CAD: variants seen among roughly 807,000 people sequenced by gnomAD.
CAD encodes multifunctional protein CAD.
A neutral mutation model predicts 237.2 loss-of-function variants in CAD; 81 were observed. The ratio of observed to expected loss-of-function variants is 0.34; its 90% CI spans 0.29 to 0.41. The LOEUF (loss-of-function observed/expected upper bound fraction) is 0.41, where lower values mean the gene tolerates loss of function less well. Ranked by LOEUF, CAD falls within the 10% of genes least tolerant of loss-of-function variation. CAD has a pLI of 1.00. For missense variants in CAD, 2,181 were observed against 2,951.7 expected (o/e 0.74, Z 6.05); for synonymous variants, 1,196 against 1,162.8 (o/e 1.03, Z -0.58).
At position 27,243,930 on chromosome 2, in the gene CAD, C is replaced by A. The variant is rs1676454368; in HGVS notation, c.*412C>A. On this transcript the variant is annotated 3_prime_UTR_variant, in exon 44 of 44. Coordinates refer to ENST00000264705, the MANE Select transcript of CAD (RefSeq NM_004341.5). ...ACACTCGTGACTCTTTGGGACTCGGCAGGAGCGTGTTAACTCTGTGCTCTC... is the reference window on the plus strand; with the variant it reads ...ACACTCGTGACTCTTTGGGACTCGGAAGGAGCGTGTTAACTCTGTGCTCTC... The A allele has an allele frequency of 1.6e-5, 3 of 187,926 alleles. No individual in the cohort carries two copies. In the South Asian group the frequency reaches 3.5e-4, roughly 22 times the overall value. The allele number at this position is 187,926 out of a possible 1,614,324, so 11.6% of individuals were successfully genotyped here. A position where few individuals can be genotyped will look rare whatever the true frequency, so the allele number is the denominator to read the frequency against.
intron 15 of CAD, among the ~76,000 whole-genome samples, chr2:27,227,789 AC>A (rs1675508509): frequency 6.6e-6 from 1 of 152,194 alleles, no homozygotes; most frequent in African/African-American, 2.4e-5. Flanking sequence ...ACTTTTTGTA[AC>A]TTTTATTATA....
Position 27,235,924 on chromosome 2 carries a change from A to G in CAD, c.4074+284A>G, listed in dbSNP as rs1675982353. ...CTCCTATTCCCCTGCTTTTATTATT[A>G]CCATTATACTAGTAAGCTATATTCC... is the stretch of plus-strand genomic sequence containing the variant. On this transcript the variant is annotated intron_variant, in intron 25 of 43. Coordinates refer to ENST00000264705, the MANE Select transcript of CAD (RefSeq NM_004341.5). The surrounding 1 kb of genome is among the most constrained non-coding windows in gnomAD (Gnocchi z 5.2). The G allele has an allele frequency of 2.1e-6, 1 of 484,096 alleles. No individual in the cohort carries two copies. The highest frequency in any genetic ancestry group is 3.7e-6 in the Non-Finnish European group (1 of 272,056). The allele number at this position is 484,096 out of a possible 1,614,324, so 30.0% of individuals were successfully genotyped here. A position where few individuals can be genotyped will look rare whatever the true frequency, so the allele number is the denominator to read the frequency against.
chr2:27,234,273 T>G (rs1675899923), intron 22 of CAD, 47 bp downstream of exon 22: 1 of 1,545,146 alleles, frequency 6.5e-7, no homozygotes, highest in Non-Finnish European at 8.9e-7. Context: ...CTCTTGCATG[T>G]TCTGTGCTGG....
Position 27,234,547 on chromosome 2 carries a change from C to T in CAD, c.3648C>T (p.Asn1216=), listed in dbSNP as rs184686900. 57 of 1,614,018 alleles carry T rather than the reference C, an allele frequency of 3.5e-5. No homozygotes were observed. The highest frequency in any genetic ancestry group is 8.3e-5 in the Admixed American group (5 of 60,014). ...KDDQLKVIEC[N]VRVSRSFPFV... is the part of the protein sequence containing the mutation. The stretch of plus-strand genomic sequence containing the variant: ...ACCAGCTGAAAGTTATTGAATGCAA[C>T]GTACGTGTCTCTCGCTCCTTCCCCT... Residue 1216 remains asparagine (N), a synonymous_variant, in exon 23 of 44, where the codon AAC becomes AAT. Transcript: ENST00000264705.
chr2:27,236,017 A>G lies in CAD; in HGVS notation c.4075-267A>G. 2 of 541,196 alleles carry G rather than the reference A, an allele frequency of 3.7e-6. No individual in the cohort carries two copies. The highest frequency in any genetic ancestry group is 6.5e-6 in the Non-Finnish European group (2 of 305,800). 33.5% of individuals were successfully genotyped at this position (541,196 alleles called of 1,614,324 possible). ...TTAAAATCTCTGTACCACTGTTCTG[A>G]TATTTTTCCTTCCAGGATTTTCTCT... On this transcript the variant is annotated intron_variant, in intron 25 of 43. Transcript: ENST00000264705. This position sits in a 1 kb window ranked among gnomAD's most constrained non-coding sequence, Gnocchi z 4.1.
At position 27,225,716 on chromosome 2, in the gene CAD, C is replaced by T. The variant is rs146242038; in HGVS notation, c.1632C>T (p.Ala544=). 1.7e-3 allele frequency: 2,720 copies of T among 1,613,708 alleles called. 8 individuals are homozygous for T. Among genetic ancestry groups the T allele is most frequent in the South Asian group, 2.7e-3 (250 of 91,078 alleles). The change falls in exon 12 of 44, where the codon GCC becomes GCT. Residue 544 remains alanine (A), a synonymous_variant. Transcript: ENST00000264705. The stretch of plus-strand genomic sequence containing the variant: ...TCCACTCATTGCAGGCCCAGGCAGC[C>T]GCTGAACGGCTGGGGTACCCTGTGC... ...AANSLEQAQA[A]AERLGYPVLV...
rs199908899 is a variant in CAD, at chr2:27,232,104, G to T, written c.2525G>T (p.Arg842Leu). Residue 842 changes from arginine (R) to leucine (L), a missense_variant, in exon 17 of 44, where the codon CGT becomes CTT. Arg to Leu is a moderately radical substitution (Grantham distance 102). Around this residue, in one of 12 missense-constraint regions of CAD, gnomAD observed 385 missense variants for 535.1 expected, o/e 0.72. Transcript: ENST00000264705. The surrounding 1 kb of genome is among the most constrained non-coding windows in gnomAD (Gnocchi z 4.1). Reference protein sequence around the residue: ...IDRWFLHRMKRIIAHAQLLEQ... With the variant: ...IDRWFLHRMKLIIAHAQLLEQ... ...CGCTGGTTCCTGCACCGAATGAAGC[G>T]TATCATCGCACATGCCCAGCTGCTA... 8 of 1,614,102 alleles carry T rather than the reference G, an allele frequency of 5.0e-6. No homozygotes were observed. The highest frequency in any genetic ancestry group is 6.8e-6 in the Non-Finnish European group (8 of 1,180,044).
In CAD at chr2:27,241,137, C is replaced by A. The variant is rs1413943194; in HGVS notation, c.5718C>A (p.Thr1906=). 2.5e-6 allele frequency: 4 copies of A among 1,612,054 alleles called. No homozygotes were observed. Among genetic ancestry groups the A allele is most frequent in the Non-Finnish European group, 3.4e-6 (4 of 1,179,096 alleles). ...PRQASPQNLG[T]PGLLHPQTSP... The stretch of plus-strand genomic sequence containing the variant: ...AGGCATCTCCCCAGAACCTGGGGAC[C>A]CCTGGCTTGCTGCACCCCCAGACCT... Residue 1906 remains threonine (T), a synonymous_variant, in exon 37 of 44, where the codon ACC becomes ACA. Transcript: ENST00000264705. This position sits in a 1 kb window ranked among gnomAD's most constrained non-coding sequence, Gnocchi z 4.6.
chr2:27,227,064 G>T, intron 15 of CAD, 102 bp downstream of exon 15: 1 of 980,442 alleles, frequency 1.0e-6, no homozygotes, highest in Non-Finnish European at 1.6e-6. Flanking sequence ...TATGGGAGCA[G>T]GTGCTTGAGA....
rs1013640911 is a variant in CAD, at chr2:27,237,633, G to A, written c.4564-85G>A. The A allele has an allele frequency of 8.3e-6, 13 of 1,571,734 alleles. No individual in the cohort carries two copies. The Middle Eastern group carries it at 9.7e-4, about 118-fold the overall frequency. ...CCCTGAGCCCTTTTCCTTCTGCCCC[G>A]CCCTATGGGCCCAGGCCACTGGTGC... is the stretch of plus-strand genomic sequence containing the variant. On this transcript the variant is annotated intron_variant, in intron 28 of 43. Transcript: ENST00000264705. This position sits in a 1 kb window ranked among gnomAD's most constrained non-coding sequence, Gnocchi z 4.0.
At position 27,233,691 on chromosome 2, in the gene CAD, C is replaced by T. The variant is rs764856563; in HGVS notation, c.3282C>T (p.Ser1094=). The T allele has an allele frequency of 1.9e-5, 30 of 1,614,170 alleles. No homozygotes were observed. The highest frequency in any genetic ancestry group is 2.5e-5 in the Non-Finnish European group (29 of 1,180,034). The change falls in exon 21 of 44, where the codon AGC becomes AGT. Residue 1094 remains serine (S), a synonymous_variant. Coordinates refer to ENST00000264705, the MANE Select transcript of CAD (RefSeq NM_004341.5). The surrounding 1 kb of genome is among the most constrained non-coding windows in gnomAD (Gnocchi z 6.3). ...PCVVRPSYVL[S]GAAMNVAYTD... ...TGGTGCGCCCCTCCTATGTGCTGAG[C>T]GGTGCTGCTATGAATGTGGCCTACA... is the stretch of plus-strand genomic sequence containing the variant.
chr2:27,242,302 C>T lies in CAD; in HGVS notation c.6097C>T (p.Leu2033=), dbSNP rs546507722. The T allele has an allele frequency of 1.2e-6, 2 of 1,603,924 alleles. No homozygotes were observed. Among genetic ancestry groups the T allele is most frequent in the South Asian group, 1.1e-5 (1 of 90,492 alleles). ...GACAGGATTTTCCCCTTTTTTCCAG[C>T]TGGCCGCCAAGCACTGCCGGAGGCC... The part of the protein sequence containing the change: ...LRHPQPGAVE[L]AAKHCRRPVI... Residue 2033 remains leucine, a splice_region_variant and synonymous_variant, in exon 40 of 44, where the codon CTG becomes TTG. Coordinates refer to ENST00000264705, the MANE Select transcript of CAD (RefSeq NM_004341.5). This position sits in a 1 kb window ranked among gnomAD's most constrained non-coding sequence, Gnocchi z 6.4.
chr2:27,229,231 TAAAAA>T (rs913949570), intron 15 of CAD, among the ~76,000 whole-genome samples: 1 of 151,968 alleles, frequency 6.6e-6, no homozygotes, highest in Non-Finnish European at 1.5e-5. Flanking sequence ...CCTGTCTCGT[TAAAAA>T]AGAAAGAAAA....
chr2:27,231,311 G>C (rs535728210), intron 15 of CAD, among the ~76,000 whole-genome samples, 157 bp from the exon 16 acceptor site: 1 of 152,244 alleles, frequency 6.6e-6, no homozygotes, highest in African/African-American at 2.4e-5. Flanking sequence ...CGGCCATTAA[G>C]ATTTCTTAGT....
At chr2:27,226,016 A>G in intron 12 of CAD, 90 bp downstream of exon 12, 1 of 1,497,250 alleles carries the variant, frequency 6.7e-7, no homozygotes, top group African/African-American at 1.4e-5. Flanking sequence ...TGAGAGTTGT[A>G]TGTCCCTCAG....
At position 27,239,994 on chromosome 2, in the gene CAD, A is replaced by G; in HGVS notation, c.5496+196A>G. ...GGTGGCTCACACTTGTAATCCCAGC[A>G]CTTTGGGAGGCCAAGGCAGGCGGAT... On this transcript the variant is annotated intron_variant, in intron 34 of 43. Transcript: ENST00000264705. This position sits in a 1 kb window ranked among gnomAD's most constrained non-coding sequence, Gnocchi z 4.0. 2 of 594,350 alleles carry G rather than the reference A, an allele frequency of 3.4e-6. No individual in the cohort carries two copies. Among genetic ancestry groups the G allele is most frequent in the South Asian group, 4.4e-5 (2 of 45,476 alleles). The allele number at this position is 594,350 out of a possible 1,614,324, so 36.8% of individuals were successfully genotyped here. A position where few individuals can be genotyped will look rare whatever the true frequency, so the allele number is the denominator to read the frequency against.
At chr2:27,217,712 C>G in intron 1 of CAD, 79 bp downstream of exon 1, 1 of 1,433,060 alleles carries the variant, frequency 7.0e-7, no homozygotes, top group South Asian at 1.3e-5. Context: ...CGTCCAGACC[C>G]CGCCATTTTC....
chr2:27,237,663 C>A lies in CAD; in HGVS notation c.4564-55C>A. 6.3e-7 allele frequency: 1 copy of A among 1,584,300 alleles called. No individual in the cohort carries two copies. The highest frequency in any genetic ancestry group is 8.6e-7 in the Non-Finnish European group (1 of 1,163,272). On this transcript the variant is annotated intron_variant, in intron 28 of 43. Transcript: ENST00000264705. The surrounding 1 kb of genome is among the most constrained non-coding windows in gnomAD (Gnocchi z 4.0). ...ATGGGCCCAGGCCACTGGTGCCAGG[C>A]TAGCCTGTGTGGGCATGGGTGCCAG...
In CAD at chr2:27,236,740, C is replaced by A; in HGVS notation, c.4315-9C>A. 6.2e-7 allele frequency: 1 copy of A among 1,613,752 alleles called. No individual in the cohort carries two copies. The highest frequency in any genetic ancestry group is 2.2e-5 in the East Asian group (1 of 44,868). On this transcript the variant is annotated splice_polypyrimidine_tract_variant and intron_variant, in intron 26 of 43. Transcript: ENST00000264705. The surrounding 1 kb of genome is among the most constrained non-coding windows in gnomAD (Gnocchi z 4.1). The stretch of plus-strand genomic sequence containing the variant: ...CCTTCCCTTAAAGCTGACTGCTTTC[C>A]ACTTGCAGGCCCTAGGCCAGATCGG...
Sources: allele counts gnomAD v4.1 joint callset (sites outside exome capture counted in the v4.1 genomes callset), GRCh38; gene constraint gnomAD v4.1.1; regional missense constraint gnomAD v4.1.1; non-coding constraint Gnocchi (gnomAD v3.1); transcripts MANE v1.5; gene names NCBI Gene and HGNC (gene_info 2026-07-23, HGNC 2026-07-21).